The following COL19A1 variants were observed in gnomAD, a reference collection of about 807,000 sequenced individuals.
COL19A1 encodes the protein collagen type XIX alpha 1 chain, also known as collagen alpha-1(XIX) chain.
A neutral mutation model predicts 190.2 loss-of-function variants in COL19A1; 159 were observed. That is an observed-to-expected ratio of 0.84 (90% CI 0.73 to 0.95). The LOEUF (loss-of-function observed/expected upper bound fraction) is 0.95. Among genes scored for constraint, COL19A1 ranks in the 40% least tolerant of loss-of-function variants. The pLI is 0.00. For synonymous variants in COL19A1, 509 were observed against 458.9 expected (o/e 1.11, Z -1.39); for missense variants, 1,418 against 1,431.9 (o/e 0.99, Z 0.16).
chr6:70,134,216 T>A (rs1245056976), intron 18 of COL19A1, among the ~76,000 whole-genome samples: 1 of 152,196 alleles, frequency 6.6e-6, no homozygotes, highest in Non-Finnish European at 1.5e-5. Context: ...ATTTTCTCTA[T>A]CAAACCAACA....
chr6:70,143,026 T>C (rs977438637), intron 23 of COL19A1, among the ~76,000 whole-genome samples: 6 of 152,112 alleles, frequency 3.9e-5, no homozygotes, highest in African/African-American at 1.4e-4. Context: ...TCCTTTTGAG[T>C]ATCATTAGCC....
At chr6:70,101,828 G>C (rs1345532854) in intron 15 of COL19A1, among the ~76,000 whole-genome samples, 1 of 152,104 alleles carries the variant, frequency 6.6e-6, no homozygotes, top group Non-Finnish European at 1.5e-5. Flanking sequence ...AGATGTACTT[G>C]TTATTGCATC....
chr6:70,067,553 G>T (rs1187216017), intron 14 of COL19A1, among the ~76,000 whole-genome samples: 1 of 152,038 alleles, frequency 6.6e-6, no homozygotes, highest in African/African-American at 2.4e-5. Context: ...CAAGCACGTC[G>T]TGGGTCTGAA....
chr6:70,062,537 T>C (rs987748657), intron 14 of COL19A1, among the ~76,000 whole-genome samples: 1 of 152,068 alleles, frequency 6.6e-6, no homozygotes, highest in Non-Finnish European at 1.5e-5. Flanking sequence ...TGCCAAATTG[T>C]AAAGACCATC....
intron 2 of COL19A1, among the ~76,000 whole-genome samples, chr6:69,891,765 T>C (rs945555347): frequency 6.6e-6 from 1 of 152,220 alleles, no homozygotes; most frequent in Admixed American, 6.5e-5. Flanking sequence ...ATTTATGCCA[T>C]GGATATTAAT....
chr6:70,061,845 A>C (rs1780848178), intron 14 of COL19A1, among the ~76,000 whole-genome samples: 1 of 152,128 alleles, frequency 6.6e-6, no homozygotes, highest in Non-Finnish European at 1.5e-5. Flanking sequence ...CAGGCTTATA[A>C]AAAAATGACA....
At chr6:70,010,093 T>G (rs1777894775) in intron 11 of COL19A1, among the ~76,000 whole-genome samples, 5 of 152,184 alleles carry the variant, frequency 3.3e-5, no homozygotes, top group Admixed American at 3.3e-4. Flanking sequence ...GTTAAAAATA[T>G]TTCTTCTTTG....
rs551963755 is a variant in COL19A1, at chr6:70,097,748, A to G, written c.1225-4421A>G. On this transcript the variant is annotated intron_variant, in intron 15 of 50. Transcript: ENST00000620364. Reference sequence around the variant, plus strand: ...AGTAAATCTGTGTTTTGCTCTTTATACCACAGTTTTCAGGAAAATGTTGGA... The same window carrying G: ...AGTAAATCTGTGTTTTGCTCTTTATGCCACAGTTTTCAGGAAAATGTTGGA... Among the ~76,000 whole-genome samples the G allele has an allele frequency of 1.4e-4, 22 of 152,260 alleles. No homozygotes were observed. The South Asian group carries it at 4.2e-3, about 29-fold the overall frequency.
intron 11 of COL19A1, among the ~76,000 whole-genome samples, chr6:70,005,560 G>A (rs1777564675): frequency 6.6e-6 from 1 of 152,082 alleles, no homozygotes; most frequent in South Asian, 2.1e-4. Context: ...ACTTCAAAGG[G>A]CACCAACCTG....
At chr6:69,902,823 T>C (rs1770275697) in intron 4 of COL19A1, among the ~76,000 whole-genome samples, 1 of 152,184 alleles carries the variant, frequency 6.6e-6, no homozygotes, top group African/African-American at 2.4e-5. Context: ...TACTGCACTC[T>C]CACGCCAGGG....
rs538921425 is a variant in COL19A1, at chr6:70,150,789, A to T, written c.2038-608A>T. ...TGGCATTACTTTAACGCCACTGTTG[A>T]GTGAATCACTTGTGCATTTTTCTGG... On this transcript the variant is annotated intron_variant, in intron 30 of 50. Transcript: ENST00000620364. Among the ~76,000 whole-genome samples the T allele has an allele frequency of 5.9e-5, 9 of 152,192 alleles. No homozygotes were observed. The South Asian group carries it at 1.9e-3, about 32-fold the overall frequency.
chr6:69,977,324 A>G (rs1366576146), intron 11 of COL19A1, among the ~76,000 whole-genome samples: 1 of 149,984 alleles, frequency 6.7e-6, no homozygotes, highest in African/African-American at 2.4e-5. Flanking sequence ...CAAAAAGCCA[A>G]ACACCATATG....
intron 11 of COL19A1, among the ~76,000 whole-genome samples, chr6:69,984,458 T>A (rs1021790899): frequency 1.2e-4 from 18 of 152,278 alleles, no homozygotes; most frequent in African/African-American, 4.1e-4. Flanking sequence ...CTACCCATTA[T>A]TGCCACCCTC....
chr6:70,160,855 G>T (rs1787751919), intron 34 of COL19A1, among the ~76,000 whole-genome samples: 1 of 151,994 alleles, frequency 6.6e-6, no homozygotes, highest in Non-Finnish European at 1.5e-5. Flanking sequence ...TAGACCCTGT[G>T]CTATATAAGA....
Position 70,210,383 on chromosome 6 carries a change from T to C in COL19A1, c.*3109T>C, listed in dbSNP as rs1416275135. Among the ~76,000 whole-genome samples the C allele has an allele frequency of 3.3e-5, 5 of 152,180 alleles. No individual in the cohort carries two copies. The highest frequency in any genetic ancestry group is 1.2e-4 in the African/African-American group (5 of 41,446). On this transcript the variant is annotated 3_prime_UTR_variant, in exon 51 of 51. Coordinates refer to ENST00000620364, the MANE Select transcript of COL19A1 (RefSeq NM_001858.6). ...AACTGAAGGCAGTAACCATTACTTCTAACCGTAACACAAACACAGCAAGTT... is the reference window on the plus strand; with the variant it reads ...AACTGAAGGCAGTAACCATTACTTCCAACCGTAACACAAACACAGCAAGTT...
Position 69,904,537 on chromosome 6 carries a change from A to G in COL19A1, c.266+4199A>G, listed in dbSNP as rs571345091. 5.3e-5 allele frequency among the ~76,000 whole-genome samples: 8 copies of G among 152,278 alleles called. No individual in the cohort carries two copies. In the South Asian group the frequency reaches 1.7e-3, roughly 32 times the overall value. ...CACTGTTACCTAACTCTCACAACTC[A>G]GTGGGTGTATAAGCACTATAAGAGG... On this transcript the variant is annotated intron_variant, in intron 4 of 50. Transcript: ENST00000620364.
chr6:70,044,762 A>T (rs1177036669), intron 14 of COL19A1, among the ~76,000 whole-genome samples: 1 of 151,916 alleles, frequency 6.6e-6, no homozygotes, highest in African/African-American at 2.4e-5. Context: ...AACTCTGTTC[A>T]TTTTTTTCCC....
intron 11 of COL19A1, among the ~76,000 whole-genome samples, chr6:70,016,547 G>A (rs890206364): frequency 2.7e-4 from 40 of 150,610 alleles, no homozygotes; most frequent in African/African-American, 9.8e-4. Context: ...CCTCAATAAA[G>A]CTGTTAAATT....
intron 17 of COL19A1, among the ~76,000 whole-genome samples, chr6:70,126,401 C>A (rs911145590): frequency 5.1e-4 from 77 of 152,130 alleles, no homozygotes; most frequent in African/African-American, 1.8e-3. Context: ...GTTCTAACTT[C>A]ATTGCTCTCC....
Sources: allele counts gnomAD v4.1 joint callset (sites outside exome capture counted in the v4.1 genomes callset), GRCh38; gene constraint gnomAD v4.1.1; transcripts MANE v1.5; gene names NCBI Gene and HGNC (gene_info 2026-07-23, HGNC 2026-07-21).